VEPH1: variants seen among roughly 807,000 people sequenced by gnomAD.
VEPH1 encodes ventricular zone expressed PH domain containing 1, also known as ventricular zone-expressed PH domain-containing protein homolog 1.
A neutral mutation model predicts 85.2 loss-of-function variants in VEPH1; 80 were observed. That is an observed-to-expected ratio of 0.94 (90% CI 0.78 to 1.13). The LOEUF (loss-of-function observed/expected upper bound fraction) is 1.13, where lower values mean the gene tolerates loss of function less well. Among genes scored for constraint, VEPH1 ranks in the 50% most tolerant of loss-of-function variants. VEPH1 has a pLI of 0.00. For missense variants in VEPH1, 955 were observed against 980.5 expected (o/e 0.97, Z 0.35); for synonymous variants, 297 against 348.0 (o/e 0.85, Z 1.63).
upstream of VEPH1, chr3:157,503,586 G>A (rs1350215094): frequency 6.6e-6 from 1 of 152,194 alleles, no homozygotes; most frequent in East Asian, 1.9e-4. Flanking sequence ...ATTTCTCTGA[G>A]CAGATCTGTA....
chr3:157,477,689 C>G (rs1232230265), intron 2 of VEPH1, among the ~76,000 whole-genome samples: 1 of 152,128 alleles, frequency 6.6e-6, no homozygotes, highest in Admixed American at 6.6e-5. Context: ...GACATCAAGC[C>G]TCTGTCATCA....
chr3:157,280,906 G>T (rs561937115), intron 12 of VEPH1, among the ~76,000 whole-genome samples: 5 of 152,322 alleles, frequency 3.3e-5, no homozygotes, highest in Admixed American at 6.5e-5. Context: ...CCAGGCACTG[G>T]TTAAGATGTA....
At chr3:157,328,022 G>T (rs186738128) in intron 9 of VEPH1, among the ~76,000 whole-genome samples, 1 of 152,152 alleles carries the variant, frequency 6.6e-6, no homozygotes, top group East Asian at 1.9e-4. Context: ...TACCAGCTGT[G>T]TGTCTTTGGG....
rs142201217 is a variant in VEPH1 at position 157,319,210 on chromosome 3, T to G, written c.1736-2009A>C. Among the ~76,000 whole-genome samples, 218 of 152,316 alleles carry G rather than the reference T, an allele frequency of 1.4e-3. 1 individual carries two copies. Among genetic ancestry groups the G allele is most frequent in the African/African-American group, 4.9e-3 (202 of 41,574 alleles). On this transcript the variant is annotated intron_variant, in intron 9 of 13. Coordinates refer to ENST00000362010, the MANE Select transcript of VEPH1 (RefSeq NM_001167912.2). ...ATTGGTACAGAAGAGGACTAGTTTT[T>G]GTGAAGGTAATTGTTTCAGGAAATT... is the stretch of plus-strand genomic sequence containing the variant.
chr3:157,344,947 A>G (rs533430874), intron 9 of VEPH1, among the ~76,000 whole-genome samples: 69 of 152,340 alleles, frequency 4.5e-4, no homozygotes, highest in African/African-American at 1.6e-3. Context: ...TATTTAATAA[A>G]TGGTGCTGGG....
chr3:157,270,614 G>C (rs1177131870), intron 12 of VEPH1, among the ~76,000 whole-genome samples: 1 of 152,004 alleles, frequency 6.6e-6, no homozygotes, highest in Non-Finnish European at 1.5e-5. Context: ...ATAATAACAG[G>C]TCTCCCAGAG....
At chr3:157,368,070 T>C (rs947114776) in intron 7 of VEPH1, among the ~76,000 whole-genome samples, 2 of 152,238 alleles carry the variant, frequency 1.3e-5, no homozygotes, top group African/African-American at 4.8e-5. Context: ...AGTTTCACCA[T>C]CTATAAAATG....
chr3:157,425,347 C>T (rs114283583), intron 5 of VEPH1, among the ~76,000 whole-genome samples: 9,761 of 152,178 alleles, frequency 0.064, 499 homozygotes, highest in South Asian at 0.23. Context: ...AGAAGGGAAA[C>T]GTGGGGTCAG....
At chr3:157,384,268 C>G (rs1232653055) in intron 6 of VEPH1, among the ~76,000 whole-genome samples, 1 of 152,164 alleles carries the variant, frequency 6.6e-6, no homozygotes, top group Non-Finnish European at 1.5e-5. Context: ...AGACTCTAAA[C>G]TCAACATTCT....
rs745885602 is a variant in VEPH1, at chr3:157,459,788, T to G, written c.529+393A>C. The stretch of plus-strand genomic sequence containing the variant: ...GATGTATTTTATCTAACAAAAGACA[T>G]TTCTTGCTTTTGGAAGCAAATGAAG... On this transcript the variant is annotated intron_variant, in intron 4 of 13. Transcript: ENST00000362010. 3 of 1,478,896 alleles carry G rather than the reference T, an allele frequency of 2.0e-6. No homozygotes were observed. The African/African-American group carries it at 4.2e-5, about 21-fold the overall frequency. 91.6% of individuals were successfully genotyped at this position (1,478,896 alleles called of 1,614,324 possible). A position where few individuals can be genotyped will look rare whatever the true frequency, so the allele number is the denominator to read the frequency against.
chr3:157,413,467 T>A, intron 6 of VEPH1: 1 of 985,340 alleles, frequency 1.0e-6, no homozygotes, highest in Non-Finnish European at 1.2e-6. Flanking sequence ...GTCTCCTGGG[T>A]TAAGAGAAAT....
At chr3:157,494,092 GAGAAA>G (rs1452784435) in intron 2 of VEPH1, among the ~76,000 whole-genome samples, 2 of 152,190 alleles carry the variant, frequency 1.3e-5, no homozygotes, top group Non-Finnish European at 2.9e-5. Context: ...GACATTACCT[GAGAAA>G]AGAAGAGTTT....
rs1214524712 is a variant in VEPH1, at chr3:157,337,964, G to A, written c.1736-20763C>T. On this transcript the variant is annotated intron_variant, in intron 9 of 13. Coordinates refer to ENST00000362010, the MANE Select transcript of VEPH1 (RefSeq NM_001167912.2). ...CTGGTTTGAAGAATAATATGAAATAGCACCTCCCCAGAATAGTTATTATGT... is the reference window on the plus strand; with the variant it reads ...CTGGTTTGAAGAATAATATGAAATAACACCTCCCCAGAATAGTTATTATGT... Among the ~76,000 whole-genome samples, 3 of 151,758 alleles carry A rather than the reference G, an allele frequency of 2.0e-5. No individual in the cohort carries two copies. The East Asian group carries it at 5.8e-4, about 29-fold the overall frequency.
chr3:157,294,336 CAT>C (rs1354613356), intron 11 of VEPH1, among the ~76,000 whole-genome samples: 2 of 152,312 alleles, frequency 1.3e-5, no homozygotes, highest in East Asian at 1.9e-4. Context: ...GGGTTTGACA[CAT>C]GTCTTGGAAC....
chr3:157,294,410 T>C (rs1030602912), intron 11 of VEPH1, among the ~76,000 whole-genome samples: 2 of 152,246 alleles, frequency 1.3e-5, no homozygotes, highest in African/African-American at 4.8e-5. Flanking sequence ...AATAATGGTA[T>C]GCTGTGAACC....
At chr3:157,374,221 CTGT>C (rs1422315391) in intron 7 of VEPH1, among the ~76,000 whole-genome samples, 1 of 152,174 alleles carries the variant, frequency 6.6e-6, no homozygotes, top group South Asian at 2.1e-4. Context: ...CCACAAATGG[CTGT>C]TATGATTTTC....
chr3:157,305,735 C>G (rs1719442412), intron 11 of VEPH1, among the ~76,000 whole-genome samples: 1 of 152,190 alleles, frequency 6.6e-6, no homozygotes, highest in South Asian at 2.1e-4. Flanking sequence ...AGTGCCTTAA[C>G]TCTTGCTCAA....
intron 7 of VEPH1, among the ~76,000 whole-genome samples, chr3:157,365,010 T>C (rs1001905832): frequency 6.6e-6 from 1 of 152,252 alleles, no homozygotes; most frequent in Admixed American, 6.5e-5. Context: ...AATTTTAAGA[T>C]GTTGGAAGAA....
At chr3:157,451,606 A>T (rs1430864333) in intron 4 of VEPH1, among the ~76,000 whole-genome samples, 1 of 152,252 alleles carries the variant, frequency 6.6e-6, no homozygotes, top group African/African-American at 2.4e-5. Flanking sequence ...TGATTCACTC[A>T]TAAGCATAAA....
Sources: allele counts gnomAD v4.1 joint callset (sites outside exome capture counted in the v4.1 genomes callset), GRCh38; gene constraint gnomAD v4.1.1; transcripts MANE v1.5; gene names NCBI Gene and HGNC (gene_info 2026-07-23, HGNC 2026-07-21).